MCTP1: variants seen among roughly 807,000 people sequenced by gnomAD.
The protein encoded by MCTP1 is multiple C2 and transmembrane domain-containing protein 1.
A neutral mutation model predicts 120.6 loss-of-function variants in MCTP1; 69 were observed. The ratio of observed to expected loss-of-function variants is 0.57; its 90% CI spans 0.47 to 0.70. MCTP1 has a LOEUF of 0.70. MCTP1 is among the 30% of genes least tolerant of loss of function. The pLI is 0.00. For synonymous variants in MCTP1, 529 were observed against 493.1 expected (o/e 1.07, Z -0.96); for missense variants, 1,203 against 1,248.8 (o/e 0.96, Z 0.55).
chr5:95,176,188 T>C (rs1159335833), intron 1 of MCTP1, among the ~76,000 whole-genome samples: 1 of 152,148 alleles, frequency 6.6e-6, no homozygotes, highest in Non-Finnish European at 1.5e-5. Flanking sequence ...CAAATATTTG[T>C]TTAGTATGCC....
intron 1 of MCTP1, among the ~76,000 whole-genome samples, chr5:95,030,038 G>C (rs535969497): frequency 6.6e-6 from 1 of 152,178 alleles, no homozygotes; most frequent in Non-Finnish European, 1.5e-5. Flanking sequence ...TGATCTGGCC[G>C]GGGAAGAGGT....
intron 1 of MCTP1, among the ~76,000 whole-genome samples, chr5:95,095,408 A>G (rs1009777642): frequency 5.3e-5 from 8 of 152,204 alleles, no homozygotes; most frequent in Non-Finnish European, 1.0e-4. Context: ...GTTTGCTTTA[A>G]TGAACATCTT....
At chr5:95,032,734 G>A (rs1175626990) in intron 1 of MCTP1, among the ~76,000 whole-genome samples, 3 of 151,912 alleles carry the variant, frequency 2.0e-5, no homozygotes, top group Non-Finnish European at 4.4e-5. Context: ...AATAACAAAG[G>A]TTAGAGCAGA....
intron 3 of MCTP1, among the ~76,000 whole-genome samples, chr5:94,952,743 C>T (rs1457810912): frequency 6.6e-6 from 1 of 151,560 alleles, no homozygotes; most frequent in African/African-American, 2.4e-5. Context: ...CCACCCCCAG[C>T]CCCCCATTTT....
intron 3 of MCTP1, among the ~76,000 whole-genome samples, chr5:94,948,302 A>G (rs1231150148): frequency 6.6e-6 from 1 of 152,186 alleles, no homozygotes; most frequent in Non-Finnish European, 1.5e-5. Flanking sequence ...TTGGTCTGGC[A>G]TTTAGCACTC....
At position 94,961,713 on chromosome 5, in the gene MCTP1, T is replaced by C. The variant is rs574148072; in HGVS notation, c.839-8352A>G. 4.6e-5 allele frequency among the ~76,000 whole-genome samples: 7 copies of C among 152,320 alleles called. No individual in the cohort carries two copies. The East Asian group carries it at 1.4e-3, about 29-fold the overall frequency. The stretch of plus-strand genomic sequence containing the variant: ...TCCTTAAGTAAATCATTCCAGTGTG[T>C]AACAATCTTCACCACAAGAAAATAA... On this transcript the variant is annotated intron_variant, in intron 2 of 22. Transcript: ENST00000515393.
intron 19 of MCTP1, among the ~76,000 whole-genome samples, chr5:94,736,597 C>T (rs1310945321): frequency 6.6e-6 from 1 of 152,144 alleles, no homozygotes; most frequent in Non-Finnish European, 1.5e-5. Flanking sequence ...TAACCAAAAT[C>T]ACAATCTTGA....
intron 17 of MCTP1, among the ~76,000 whole-genome samples, chr5:94,839,180 A>G (rs1183521474): frequency 6.6e-6 from 1 of 152,214 alleles, no homozygotes; most frequent in African/African-American, 2.4e-5. Flanking sequence ...AGAGAAGTAC[A>G]AAAGGTCGAA....
intron 18 of MCTP1, among the ~76,000 whole-genome samples, chr5:94,798,520 G>A (rs1325058296): frequency 1.3e-5 from 2 of 152,092 alleles, no homozygotes; most frequent in African/African-American, 4.8e-5. Context: ...GATATTTACT[G>A]TTGTCCAGCG....
intron 4 of MCTP1, among the ~76,000 whole-genome samples, chr5:94,940,762 T>C (rs2153504443): frequency 6.6e-6 from 1 of 151,484 alleles, no homozygotes; most frequent in East Asian, 1.9e-4. Flanking sequence ...GATTACATGA[T>C]AAAAACATAA....
chr5:95,108,886 C>T (rs980624520), intron 1 of MCTP1, among the ~76,000 whole-genome samples: 3 of 152,140 alleles, frequency 2.0e-5, no homozygotes, highest in Non-Finnish European at 4.4e-5. Context: ...TAGGTAGCTA[C>T]TTATTGTTCA....
At chr5:95,012,126 T>C (rs1465384146) in intron 2 of MCTP1, among the ~76,000 whole-genome samples, 1 of 152,196 alleles carries the variant, frequency 6.6e-6, no homozygotes, top group Non-Finnish European at 1.5e-5. Flanking sequence ...TTAGGAAATA[T>C]ACACACACAC....
At chr5:95,185,548 C>T (rs1379011331) in intron 1 of MCTP1, among the ~76,000 whole-genome samples, 3 of 152,148 alleles carry the variant, frequency 2.0e-5, no homozygotes, top group South Asian at 2.1e-4. Context: ...TTTGGGAGAT[C>T]GAAGTGGGTG....
chr5:95,277,213 C>T (rs2152741206), intron 1 of MCTP1, among the ~76,000 whole-genome samples: 1 of 152,252 alleles, frequency 6.6e-6, no homozygotes, highest in East Asian at 1.9e-4. Context: ...AGAACTACAT[C>T]CCTGACCCGG....
chr5:95,254,062 C>T (rs979348179), intron 1 of MCTP1, among the ~76,000 whole-genome samples: 4 of 152,144 alleles, frequency 2.6e-5, no homozygotes, highest in South Asian at 2.1e-4. Flanking sequence ...CCACAAACTA[C>T]AGAAGCATTC....
At position 95,210,530 on chromosome 5, in the gene MCTP1, G is replaced by A. The variant is rs61597922; in HGVS notation, c.720+73326C>T. Among the ~76,000 whole-genome samples the A allele has an allele frequency of 2.1e-3, 306 of 146,538 alleles. 1 individual carries two copies. The highest frequency in any genetic ancestry group is 7.1e-3 in the African/African-American group (275 of 38,494). On this transcript the variant is annotated intron_variant, in intron 1 of 22. Coordinates refer to ENST00000515393, the MANE Select transcript of MCTP1 (RefSeq NM_024717.7). ...TTTTTTGTTTTCCATTTGCTTGGTAGATCTTCCTCCATCCTTTTATTTTGA... is the reference window on the plus strand; with the variant it reads ...TTTTTTGTTTTCCATTTGCTTGGTAAATCTTCCTCCATCCTTTTATTTTGA...
chr5:95,025,738 C>T (rs1839140382), intron 1 of MCTP1, among the ~76,000 whole-genome samples: 1 of 152,174 alleles, frequency 6.6e-6, no homozygotes, highest in South Asian at 2.1e-4. Flanking sequence ...AGACTAGTGG[C>T]TCTGGCTGGA....
intron 19 of MCTP1, among the ~76,000 whole-genome samples, chr5:94,738,859 C>A (rs908941246): frequency 6.6e-6 from 1 of 152,192 alleles, no homozygotes; most frequent in South Asian, 2.1e-4. Context: ...CTAAATACTT[C>A]GGTTGTGTCC....
intron 1 of MCTP1, among the ~76,000 whole-genome samples, chr5:95,212,544 C>T (rs183428717): frequency 0.16 from 24,353 of 152,024 alleles, 2,421 homozygotes; most frequent in Non-Finnish European, 0.22. Flanking sequence ...ACCAAAGCCG[C>T]GCACAGACAC....
Sources: gnomAD v4.1 joint callset for allele counts (sites outside exome capture counted in the v4.1 genomes callset) on GRCh38, gnomAD v4.1.1 for gene constraint, MANE v1.5 for transcripts, NCBI Gene and HGNC (gene_info 2026-07-23, HGNC 2026-07-21) for gene names.